Variants in NFIB observed in about 807,000 individuals in gnomAD.
The protein encoded by NFIB is nuclear factor 1 B-type.
In NFIB, 11 loss-of-function variants were observed where a neutral mutation model predicts 61.5. That is an observed-to-expected ratio of 0.18 (90% CI 0.11 to 0.30). The LOEUF is 0.30. Ranked by LOEUF, NFIB falls within the 10% of genes least tolerant of loss-of-function variation. NFIB has a pLI of 1.00. For missense variants in NFIB, 471 were observed against 608.9 expected, an observed-to-expected ratio of 0.77 and a Z score of 2.38; for synonymous variants, 260 against 216.5, an observed-to-expected ratio of 1.20 and a Z score of -1.76.
At chr9:14,404,324 A>C in the NFIB span, among the ~76,000 whole-genome samples, 1 of 152,206 alleles carries the variant, frequency 6.6e-6, no homozygotes, top group African/African-American at 2.4e-5. Context: ...GTGACTACCA[A>C]GTATCAGGCA....
rs541487855 is a variant in NFIB at position 14,222,073 on chromosome 9, A to T, written c.563-42293T>A. On this transcript the variant is annotated intron_variant, in intron 2 of 10. Transcript: ENST00000380953. Reference sequence around the variant, plus strand: ...AAGTTGTCCTCTTTTTGATCCTTGGATCCCCATTTCCAATGCACTGGTGCT... The same window carrying T: ...AAGTTGTCCTCTTTTTGATCCTTGGTTCCCCATTTCCAATGCACTGGTGCT... 1.6e-4 allele frequency among the ~76,000 whole-genome samples: 25 copies of T among 152,264 alleles called. No homozygotes were observed. The South Asian group carries it at 4.1e-3, about 25-fold the overall frequency.
intron 1 of NFIB, among the ~76,000 whole-genome samples, chr9:14,370,099 T>C (rs1325575158): frequency 1.3e-5 from 2 of 152,206 alleles, no homozygotes; most frequent in Non-Finnish European, 2.9e-5. Context: ...ATTTTACGAC[T>C]TTGTGCCTCC....
At chr9:14,521,576 G>A in the NFIB span, among the ~76,000 whole-genome samples, 1 of 152,290 alleles carries the variant, frequency 6.6e-6, no homozygotes, top group South Asian at 2.1e-4. Flanking sequence ...AAAGTACCTA[G>A]CAGAGAACCT....
the NFIB span, among the ~76,000 whole-genome samples, chr9:14,530,202 C>T: frequency 6.6e-6 from 1 of 152,122 alleles, no homozygotes; most frequent in Non-Finnish European, 1.5e-5. Flanking sequence ...ACTTCCAAGC[C>T]TTGGTATTGT....
At chr9:14,239,974 A>C (rs1563934657) in intron 2 of NFIB, among the ~76,000 whole-genome samples, 2 of 152,156 alleles carry the variant, frequency 1.3e-5, no homozygotes, top group African/African-American at 4.8e-5. Context: ...GAATGAGTAA[A>C]AAATGTAATA....
chr9:14,451,314 A>G, the NFIB span, among the ~76,000 whole-genome samples: 2 of 152,192 alleles, frequency 1.3e-5, no homozygotes, highest in African/African-American at 4.8e-5. Flanking sequence ...TATACCTGAT[A>G]TTTCACAGTA....
intron 7 of NFIB, among the ~76,000 whole-genome samples, chr9:14,123,059 G>C (rs922433479): frequency 2.6e-5 from 4 of 151,892 alleles, no homozygotes; most frequent in African/African-American, 9.7e-5. Context: ...TTCGAGATCA[G>C]CCTGGCCAAC....
upstream of NFIB, among the ~76,000 whole-genome samples, chr9:14,315,601 G>A (rs2060508646): frequency 6.9e-6 from 1 of 145,644 alleles, no homozygotes; most frequent in South Asian, 2.1e-4. Flanking sequence ...CGGGCCCTGA[G>A]CCGCTCGGCG....
intron 3 of NFIB, among the ~76,000 whole-genome samples, chr9:14,162,738 C>G (rs555927179): frequency 6.6e-6 from 1 of 152,042 alleles, no homozygotes; most frequent in Non-Finnish European, 1.5e-5. Context: ...TTAGATAACT[C>G]TGAATCGTGA....
At chr9:14,202,128 T>TCACACA (rs3080833) in intron 2 of NFIB, among the ~76,000 whole-genome samples, 10,045 of 147,058 alleles carry the variant, frequency 0.068, 401 homozygotes, top group Non-Finnish European at 0.083. Flanking sequence ...TTGATACTTT[T>TCACACA]CACACACACA....
At chr9:14,442,952 G>A in the NFIB span, among the ~76,000 whole-genome samples, 7 of 152,000 alleles carry the variant, frequency 4.6e-5, no homozygotes, top group African/African-American at 1.7e-4. Flanking sequence ...TTGACCCAGG[G>A]CCACACTTGC....
intron 2 of NFIB, among the ~76,000 whole-genome samples, chr9:14,230,683 G>T (rs2053014686): frequency 6.6e-6 from 1 of 152,026 alleles, no homozygotes; most frequent in Non-Finnish European, 1.5e-5. Context: ...TAGAAGTGAA[G>T]GCATTTAGGT....
chr9:14,168,937 T>A (rs1273166010), intron 3 of NFIB, among the ~76,000 whole-genome samples: 1 of 152,204 alleles, frequency 6.6e-6, no homozygotes, highest in Non-Finnish European at 1.5e-5. Context: ...ACATTATTCA[T>A]GTGGGCTATT....
chr9:14,531,686 T>TC, the NFIB span, among the ~76,000 whole-genome samples: 1 of 72,490 alleles, frequency 1.4e-5, no homozygotes, highest in South Asian at 4.7e-4. Flanking sequence ...GCATTTTTCT[T>TC]TAAAAAAAAA....
In NFIB at chr9:14,314,047, C is replaced by G; in HGVS notation, c.-536G>C. The G allele has an allele frequency of 9.4e-6, 10 of 1,066,128 alleles. No individual in the cohort carries two copies. Among genetic ancestry groups the G allele is most frequent in the Non-Finnish European group, 1.1e-5 (10 of 880,518 alleles). 66.0% of individuals were successfully genotyped at this position (1,066,128 alleles called of 1,614,324 possible). On this transcript the variant is annotated 5_prime_UTR_variant, in exon 1 of 11. Coordinates refer to ENST00000380953, the MANE Select transcript of NFIB (RefSeq NM_001190737.2). ...CTGGGAAAGTTCAAGGTTACAGCCC[C>G]AAGCACTGCGGCAGGATCCCGGAGT...
chr9:14,191,461 G>T (rs913847895), intron 2 of NFIB, among the ~76,000 whole-genome samples: 1 of 152,106 alleles, frequency 6.6e-6, no homozygotes, highest in Non-Finnish European at 1.5e-5. Flanking sequence ...ATGATGACGG[G>T]CATGTTCACT....
the NFIB span, among the ~76,000 whole-genome samples, chr9:14,460,467 C>A: frequency 2.4e-4 from 37 of 151,588 alleles, no homozygotes; most frequent in East Asian, 6.2e-3. Flanking sequence ...TGTATACACA[C>A]GTAACAAACC....
intron 7 of NFIB, among the ~76,000 whole-genome samples, chr9:14,122,923 T>C (rs967478572): frequency 2.6e-5 from 4 of 152,038 alleles, no homozygotes; most frequent in East Asian, 1.9e-4. Context: ...AATGACTACC[T>C]TTTCCATAAA....
intron 10 of NFIB, among the ~76,000 whole-genome samples, chr9:14,092,910 G>C (rs2034165815): frequency 6.6e-6 from 1 of 152,018 alleles, no homozygotes; most frequent in Non-Finnish European, 1.5e-5. Context: ...CCTACAAAGA[G>C]TAAAGAGCTA....
Sources: gnomAD v4.1 joint callset for allele counts (sites outside exome capture counted in the v4.1 genomes callset) on GRCh38, gnomAD v4.1.1 for gene constraint, MANE v1.5 for transcripts, NCBI Gene and HGNC (gene_info 2026-07-23, HGNC 2026-07-21) for gene names.